SMG5: variants seen among roughly 807,000 people sequenced by gnomAD.
SMG5 encodes SMG5 nonsense mediated mRNA decay factor.
Under a neutral mutation model 122.9 loss-of-function variants are expected in SMG5, and 53 were observed. The ratio of observed to expected loss-of-function variants is 0.43; its 90% CI spans 0.35 to 0.54. The LOEUF is 0.54. SMG5 is among the 20% of genes least tolerant of loss of function. The probability of loss-of-function intolerance (pLI) is 0.01; values close to 1 mark genes in which losing one functional copy is unlikely to be tolerated. For missense variants in SMG5, 1,153 were observed against 1,285.6 expected, an observed-to-expected ratio of 0.90 and a Z score of 1.58; for synonymous variants, 477 against 490.2, an observed-to-expected ratio of 0.97 and a Z score of 0.35.
intron 18 of SMG5, 176 bp from the exon 19 acceptor site, chr1:156,252,680 T>A: frequency 1.3e-6 from 1 of 756,482 alleles, no homozygotes; most frequent in Non-Finnish European, 2.1e-6. Context: ...GCAATATACT[T>A]GGCAATTTAC....
At chr1:156,286,408 C>T, upstream of SMG5, 2 of 1,614,218 alleles carry the variant, frequency 1.2e-6, no homozygotes, top group South Asian at 2.2e-5. Context: ...CCGTGCTTTC[C>T]ACTTACCTGC....
At position 156,282,484 on chromosome 1, in the gene SMG5, T is replaced by G. The variant is rs1234449171; in HGVS notation, c.74+123A>C. On this transcript the variant is annotated intron_variant, in intron 1 of 21. Coordinates refer to ENST00000361813, the MANE Select transcript of SMG5 (RefSeq NM_015327.3). Reference sequence around the variant, plus strand: ...CGGGACCCCGCCCCGCCTCCAAAATTGCACCCTCCTTCCTCACCCGCACCT... The same window carrying G: ...CGGGACCCCGCCCCGCCTCCAAAATGGCACCCTCCTTCCTCACCCGCACCT... The G allele has an allele frequency of 3.9e-6, 4 of 1,030,872 alleles. No individual in the cohort carries two copies. In the African/African-American group the frequency reaches 6.5e-5, roughly 17 times the overall value. 63.9% of individuals were successfully genotyped at this position (1,030,872 alleles called of 1,614,324 possible). A position where few individuals can be genotyped will look rare whatever the true frequency, so the allele number is the denominator to read the frequency against.
Position 156,252,402 on chromosome 1 carries a change from G to T in SMG5, c.2753+12C>A. ...CCAGGGCTCAGCACAGGTCCAGCCA[G>T]GCCACACTCACCTGTTTCCTTTTTT... On this transcript the variant is annotated intron_variant, in intron 19 of 21. Transcript: ENST00000361813. 1 of 1,613,606 alleles carries T rather than the reference G, an allele frequency of 6.2e-7. No homozygotes were observed. The highest frequency in any genetic ancestry group is 8.5e-7 in the Non-Finnish European group (1 of 1,179,598).
upstream of SMG5, chr1:156,285,699 C>T (rs1361678895): frequency 1.9e-6 from 3 of 1,613,538 alleles, no homozygotes; most frequent in Non-Finnish European, 2.5e-6. Context: ...GAGTGCCGAA[C>T]CTTCATGCCC....
chr1:156,287,744 G>C (rs1040633390), upstream of SMG5, among the ~76,000 whole-genome samples: 3 of 150,996 alleles, frequency 2.0e-5, no homozygotes, highest in African/African-American at 7.3e-5. Flanking sequence ...AGCCTCCCGC[G>C]TAGCTGGGAT....
In SMG5 at chr1:156,252,493, G is replaced by A; in HGVS notation, c.2674C>T (p.Leu892=). ...GGGTGTTCCTTCTTCAGCAAATCCA[G>A]GCCATCGATCACTGGTGGGCAAGGT... ...VIIPRTVIDG[L]DLLKKEHPGA... Residue 892 remains leucine, a synonymous_variant, in exon 19 of 22, where the codon CTG becomes TTG. Coordinates refer to ENST00000361813, the MANE Select transcript of SMG5 (RefSeq NM_015327.3). The A allele has an allele frequency of 3.7e-6, 6 of 1,614,014 alleles. No homozygotes were observed. The highest frequency in any genetic ancestry group is 5.1e-6 in the Non-Finnish European group (6 of 1,180,008).
At chr1:156,255,311 C>T (rs971595163) in intron 16 of SMG5, among the ~76,000 whole-genome samples, 19 of 150,958 alleles carry the variant, frequency 1.3e-4, no homozygotes, top group Non-Finnish European at 2.1e-4. Context: ...GAGGCTGAGG[C>T]GGGTAGATCA....
chr1:156,285,384 C>T (rs1220376873), upstream of SMG5: 6 of 1,586,618 alleles, frequency 3.8e-6, no homozygotes, highest in Non-Finnish European at 3.4e-6. Context: ...GGGTCTTCAG[C>T]TGGATCTCCC....
At chr1:156,251,713 G>A (rs1661365322) in intron 19 of SMG5, among the ~76,000 whole-genome samples, 1 of 152,214 alleles carries the variant, frequency 6.6e-6, no homozygotes, top group Admixed American at 6.5e-5. Context: ...GCTGGGAGGG[G>A]AGAAGCAGCA....
chr1:156,270,729 C>T (rs568534260), intron 7 of SMG5, among the ~76,000 whole-genome samples: 11 of 152,186 alleles, frequency 7.2e-5, no homozygotes, highest in East Asian at 3.9e-4. Context: ...AAGATACAGC[C>T]GGGCACGGTG....
rs757638754 is a variant in SMG5, at chr1:156,263,578, G to A, written c.1856-8C>T. ...CAGAGCCCTCCTCAGAGGCTGGGGG[G>A]TGGGTGAATGGAAGAGAAAAAAACT... On this transcript the variant is annotated splice_polypyrimidine_tract_variant and splice_region_variant and intron_variant, in intron 12 of 21. Coordinates refer to ENST00000361813, the MANE Select transcript of SMG5 (RefSeq NM_015327.3). 7.4e-6 allele frequency: 12 copies of A among 1,610,970 alleles called. No homozygotes were observed. Among genetic ancestry groups the A allele is most frequent in the Non-Finnish European group, 7.6e-6 (9 of 1,177,966 alleles).
chr1:156,267,320 C>A (rs973947605), intron 10 of SMG5, 150 bp downstream of exon 10: 5 of 709,216 alleles, frequency 7.1e-6, no homozygotes, highest in Non-Finnish European at 2.4e-6. Flanking sequence ...GGGTAGGATC[C>A]CTTGGCCCTT....
chr1:156,250,705 T>G (rs983373841), intron 21 of SMG5, 35 bp from the exon 22 acceptor site: 1 of 1,609,872 alleles, frequency 6.2e-7, no homozygotes. Flanking sequence ...GGAGAGGGTC[T>G]GACCTCCTGA....
chr1:156,274,708 AT>A (rs772717676), intron 4 of SMG5, 22 bp from the exon 5 acceptor site: 5 of 1,599,166 alleles, frequency 3.1e-6, no homozygotes, highest in Admixed American at 3.3e-5. Flanking sequence ...AGAGAAAGAG[AT>A]TTGTAGGCCC....
In SMG5 at chr1:156,278,953, G is replaced by C. The variant is rs1558246892; in HGVS notation, c.156C>G (p.Asn52Lys). ...TAYQEVFKPE[N>K]ISLRNKLREL... ...TAGCTTACTTGTTCCTCAGGCTAAT[G>C]TTTTCTGGTTTGAATACTTCTTGAT... Residue 52 changes from asparagine to lysine, a missense_variant, in exon 2 of 22, where the codon AAC becomes AAG. Asn to Lys is a moderately conservative substitution (Grantham distance 94). Transcript: ENST00000361813. 6.2e-7 allele frequency: 1 copy of C among 1,614,098 alleles called. No homozygotes were observed. The highest frequency in any genetic ancestry group is 1.7e-5 in the Admixed American group (1 of 60,020).
At chr1:156,279,245 G>T (rs545270356) in intron 1 of SMG5, among the ~76,000 whole-genome samples, 2 of 142,704 alleles carry the variant, frequency 1.4e-5, no homozygotes, top group East Asian at 2.1e-4. Flanking sequence ...CCCACCAGGG[G>T]ACATTTGGCA....
intron 16 of SMG5, among the ~76,000 whole-genome samples, chr1:156,253,956 AC>A (rs1419130228): frequency 6.6e-6 from 1 of 152,072 alleles, no homozygotes; most frequent in African/African-American, 2.4e-5. Context: ...ACCCACACAT[AC>A]AACTGCCTAC....
At position 156,270,989 on chromosome 1, in the gene SMG5, A is replaced by G. The variant is rs186125185; in HGVS notation, c.713+1331T>C. ...GCCATTGCACTCCAGCCTGGGCAACAAGAGTGAAACTCCATCTCAAAAAAA... is the reference window on the plus strand; with the variant it reads ...GCCATTGCACTCCAGCCTGGGCAACGAGAGTGAAACTCCATCTCAAAAAAA... On this transcript the variant is annotated intron_variant, in intron 7 of 21. Transcript: ENST00000361813. Among the ~76,000 whole-genome samples the G allele has an allele frequency of 1.4e-3, 215 of 152,128 alleles. 2 individuals are homozygous for G. Among genetic ancestry groups the G allele is most frequent in the African/African-American group, 4.9e-3 (205 of 41,504 alleles).
chr1:156,272,537 A>C, intron 6 of SMG5, 139 bp from the exon 7 acceptor site: 2 of 662,652 alleles, frequency 3.0e-6, no homozygotes, highest in South Asian at 3.5e-5. Context: ...TCAGGTGATT[A>C]GCAGCTTAAT....
Sources: allele counts gnomAD v4.1 joint callset (sites outside exome capture counted in the v4.1 genomes callset), GRCh38; gene constraint gnomAD v4.1.1; transcripts MANE v1.5; gene names NCBI Gene and HGNC (gene_info 2026-07-23, HGNC 2026-07-21).